LRRC37A: variants seen among roughly 807,000 people sequenced by gnomAD.
The protein encoded by LRRC37A is leucine-rich repeat-containing protein 37A.
LRRC37A carries 3 observed loss-of-function variants against 35.4 expected under a neutral mutation model. The observed-to-expected ratio is 0.08, with a 90% CI of 0.04 to 0.22. LRRC37A has a LOEUF of 0.22. LRRC37A is among the 10% of genes least tolerant of loss of function. The pLI is 1.00. For synonymous variants in LRRC37A, 23 were observed against 215.0 expected (o/e 0.11, Z 7.81); for missense variants, 67 against 565.3 (o/e 0.12, Z 8.94).
At chr17:46,333,981 TG>T (rs1225181139) in intron 10 of LRRC37A, among the ~76,000 whole-genome samples, 1 of 16,250 alleles carries the variant, frequency 6.2e-5, no homozygotes, top group Admixed American at 4.9e-4. Flanking sequence ...ACGTTAAATT[TG>T]TAGATTAATT....
the LRRC37A span, among the ~76,000 whole-genome samples, chr17:46,258,707 C>CTTGT: frequency 1.2e-3 from 96 of 81,128 alleles, 8 homozygotes; most frequent in Middle Eastern, 0.011. Context: ...GACTATTATT[C>CTTGT]TTTTTTTTTT....
chr17:46,280,926 C>A, the LRRC37A span, among the ~76,000 whole-genome samples: 5 of 152,310 alleles, frequency 3.3e-5, no homozygotes, highest in South Asian at 1.0e-3. Flanking sequence ...ACCCTGAGTC[C>A]TTACATGACT....
the LRRC37A span, among the ~76,000 whole-genome samples, chr17:46,284,425 A>G: frequency 6.6e-6 from 1 of 152,254 alleles, no homozygotes; most frequent in Admixed American, 6.5e-5. Flanking sequence ...GACACAGCAC[A>G]TGTCTCAGAG....
chr17:46,334,636 G>A (rs1204353412), intron 10 of LRRC37A: 1 of 52,426 alleles, frequency 1.9e-5, no homozygotes, highest in East Asian at 9.9e-4. Context: ...TGCCCAGGCT[G>A]GTTTTCCTGC....
At chr17:46,253,970 G>C in the LRRC37A span, among the ~76,000 whole-genome samples, 1 of 152,214 alleles carries the variant, frequency 6.6e-6, no homozygotes, top group African/African-American at 2.4e-5. Flanking sequence ...TTAGAAGGGG[G>C]ATGCAAGTGG....
the LRRC37A span, among the ~76,000 whole-genome samples, chr17:46,276,519 G>A: frequency 0.14 from 21,771 of 151,674 alleles, 1,915 homozygotes; most frequent in Non-Finnish European, 0.22. Flanking sequence ...ATCACAATCC[G>A]TAAGAAAAGA....
chr17:46,276,790 C>CTTTTTTT, the LRRC37A span, among the ~76,000 whole-genome samples: 3 of 134,314 alleles, frequency 2.2e-5, no homozygotes, highest in Non-Finnish European at 3.2e-5. Context: ...TTCTTTTTTT[C>CTTTTTTT]TTTTTTTTTT....
chr17:46,260,488 C>T, the LRRC37A span: 14 of 1,598,264 alleles, frequency 8.8e-6, no homozygotes, highest in African/African-American at 6.7e-5. Flanking sequence ...CTGGGGGTGG[C>T]CCGCCATACT....
the LRRC37A span, among the ~76,000 whole-genome samples, chr17:46,265,100 T>C: frequency 2.0e-5 from 3 of 151,066 alleles, no homozygotes; most frequent in Non-Finnish European, 4.5e-5. Flanking sequence ...ACCCAAGCTT[T>C]GCAGTGGCTG....
chr17:46,252,317 A>G, the LRRC37A span, among the ~76,000 whole-genome samples: 1 of 147,110 alleles, frequency 6.8e-6, no homozygotes, highest in Non-Finnish European at 1.5e-5. Context: ...TGATTCTCCC[A>G]CCTCAGCCTC....
At chr17:46,254,413 A>C in the LRRC37A span, among the ~76,000 whole-genome samples, 1 of 152,050 alleles carries the variant, frequency 6.6e-6, no homozygotes, top group African/African-American at 2.4e-5. Flanking sequence ...TTATTTATTT[A>C]TCTATCTATT....
the LRRC37A span, among the ~76,000 whole-genome samples, chr17:46,255,095 C>G: frequency 6.6e-6 from 1 of 152,162 alleles, no homozygotes; most frequent in Admixed American, 6.5e-5. Context: ...CTCGGCCTCC[C>G]AAAGTGCTGG....
intron 5 of LRRC37A, among the ~76,000 whole-genome samples, chr17:46,312,179 T>C (rs1323322583): frequency 4.5e-5 from 1 of 22,356 alleles, no homozygotes; most frequent in East Asian, 2.0e-3. Flanking sequence ...GAGCCAGTTC[T>C]CACTCAGTCT....
the LRRC37A span, among the ~76,000 whole-genome samples, chr17:46,249,057 T>C: frequency 6.6e-6 from 1 of 152,094 alleles, no homozygotes; most frequent in African/African-American, 2.4e-5. Flanking sequence ...ATTTAAAGTA[T>C]ACCTGAGGCT....
chr17:46,258,707 C>CTTGTTTTTTTTTTT, the LRRC37A span, among the ~76,000 whole-genome samples: 12 of 81,104 alleles, frequency 1.5e-4, no homozygotes, highest in Non-Finnish European at 2.6e-4. Context: ...GACTATTATT[C>CTTGTTTTTTTTTTT]TTTTTTTTTT....
the LRRC37A span, among the ~76,000 whole-genome samples, chr17:46,279,534 T>C: frequency 6.9e-6 from 1 of 145,336 alleles, no homozygotes; most frequent in Non-Finnish European, 1.5e-5. Context: ...TAGGGTCTTG[T>C]TGTGTCGTCC....
chr17:46,292,025 A>G (rs1298253351), upstream of LRRC37A, among the ~76,000 whole-genome samples: 10 of 138,130 alleles, frequency 7.2e-5, no homozygotes, highest in Non-Finnish European at 3.2e-5. Context: ...ATTCACTCCA[A>G]ATGAAATTAT....
At chr17:46,332,766 A>G in intron 10 of LRRC37A, 110 bp downstream of exon 10, 4 of 414,206 alleles carry the variant, frequency 9.7e-6, no homozygotes, top group Admixed American at 3.5e-5. Context: ...GCTACTTGAC[A>G]TACTTCTTCA....
chr17:46,259,984 T>C, the LRRC37A span: 27,189 of 1,151,250 alleles, frequency 0.024, no homozygotes, highest in Middle Eastern at 0.046. Context: ...AGCCACCTGC[T>C]CTCCACAGAG....
Sources: gnomAD v4.1 joint callset for allele counts (sites outside exome capture counted in the v4.1 genomes callset) on GRCh38, gnomAD v4.1.1 for gene constraint, MANE v1.5 for transcripts, NCBI Gene and HGNC (gene_info 2026-07-23, HGNC 2026-07-21) for gene names.